EIF4G3: variants seen among roughly 807,000 people sequenced by gnomAD.
EIF4G3 encodes the protein eIF-4-gamma 3.
EIF4G3 carries 34 observed loss-of-function variants against 186.4 expected under a neutral mutation model. That is an observed-to-expected ratio of 0.18 (90% CI 0.14 to 0.24). The LOEUF (loss-of-function observed/expected upper bound fraction) is 0.24. Among genes scored for constraint, EIF4G3 ranks in the 10% least tolerant of loss-of-function variants. The pLI, the probability that EIF4G3 is intolerant of heterozygous loss-of-function variation, is 1.00. For missense variants in EIF4G3, 1,536 were observed against 1,948.5 expected (o/e 0.79, Z 3.99); for synonymous variants, 673 against 679.5 (o/e 0.99, Z 0.15).
chr1:21,035,559 C>T (rs1432140843), intron 4 of EIF4G3, among the ~76,000 whole-genome samples: 1 of 152,234 alleles, frequency 6.6e-6, no homozygotes, highest in Non-Finnish European at 1.5e-5. Flanking sequence ...CTGTTGCAGC[C>T]CAGCCAGGTA....
At chr1:20,972,356 AG>A (rs2076071356) in intron 11 of EIF4G3, among the ~76,000 whole-genome samples, 1 of 152,086 alleles carries the variant, frequency 6.6e-6, no homozygotes, top group Admixed American at 6.6e-5. Flanking sequence ...GGTGTTGGCC[AG>A]GCACGGTGGC....
At chr1:21,035,807 G>A (rs1046028967) in intron 4 of EIF4G3, among the ~76,000 whole-genome samples, 1 of 152,220 alleles carries the variant, frequency 6.6e-6, no homozygotes, top group East Asian at 1.9e-4. Context: ...TTGCCAGGGA[G>A]GTTCTGAAGG....
Position 20,810,064 on chromosome 1 carries a change from A to C in EIF4G3, c.4744+674T>G, listed in dbSNP as rs368391258. ...TGGCTTAGTGCAAACTCCGCCTCCC[A>C]GGTTCAAGTGATTCTCGTGCTTCAG... is the stretch of plus-strand genomic sequence containing the variant. On this transcript the variant is annotated intron_variant, in intron 36 of 36. Coordinates refer to ENST00000602326, the MANE Select transcript of EIF4G3 (RefSeq NM_001391906.1). The surrounding 1 kb of genome is among the most constrained non-coding windows in gnomAD (Gnocchi z 4.1). Among the ~76,000 whole-genome samples, 14 of 151,070 alleles carry C rather than the reference A, an allele frequency of 9.3e-5. 2 individuals carry two copies. The highest frequency in any genetic ancestry group is 3.4e-4 in the African/African-American group (14 of 41,074).
intron 14 of EIF4G3, among the ~76,000 whole-genome samples, chr1:20,937,018 G>A (rs1224121503): frequency 6.6e-6 from 1 of 152,216 alleles, no homozygotes; most frequent in Admixed American, 6.5e-5. Flanking sequence ...TCCTGGGGGT[G>A]TAGAAGGGTG....
intron 30 of EIF4G3, among the ~76,000 whole-genome samples, chr1:20,839,536 G>C (rs2067819709): frequency 6.6e-6 from 1 of 152,024 alleles, no homozygotes; most frequent in South Asian, 2.1e-4. Flanking sequence ...TAGAGACTGA[G>C]ACAGGCGGAG....
intron 2 of EIF4G3, among the ~76,000 whole-genome samples, chr1:21,116,482 C>T (rs1463540807): frequency 5.3e-5 from 8 of 151,924 alleles, no homozygotes; most frequent in African/African-American, 1.9e-4. Context: ...ATAAAATAAC[C>T]ATAAATAAGA....
chr1:20,917,322 G>A (rs748753092), intron 14 of EIF4G3, among the ~76,000 whole-genome samples: 5 of 152,194 alleles, frequency 3.3e-5, no homozygotes, highest in South Asian at 4.1e-4. Flanking sequence ...ATGGCGAAAC[G>A]GTCTCTACAA....
intron 14 of EIF4G3, among the ~76,000 whole-genome samples, chr1:20,928,270 G>A (rs896190605): frequency 6.6e-6 from 1 of 152,010 alleles, no homozygotes; most frequent in Non-Finnish European, 1.5e-5. Flanking sequence ...ATAATTTTTG[G>A]CTGTACACAA....
At position 20,905,488 on chromosome 1, in the gene EIF4G3, A is replaced by C. The variant is rs1180860552; in HGVS notation, c.1664-517T>G. Among the ~76,000 whole-genome samples the C allele has an allele frequency of 2.0e-5, 3 of 152,254 alleles. No individual in the cohort carries two copies. In the East Asian group the frequency reaches 5.8e-4, roughly 29 times the overall value. On this transcript the variant is annotated intron_variant, in intron 14 of 36. Transcript: ENST00000602326. ...GATACTTCAATTAAGGTTTCATTAG[A>C]TAGGCAGCATTTCTGAAACATTCTG...
chr1:20,950,248 T>C (rs1042835865), intron 12 of EIF4G3, 137 bp from the exon 13 acceptor site: 14 of 517,660 alleles, frequency 2.7e-5, no homozygotes, highest in African/African-American at 2.4e-4. Flanking sequence ...GGAAAAAATA[T>C]ATAGTCCAAT....
intron 7 of EIF4G3, among the ~76,000 whole-genome samples, chr1:20,986,937 A>AG (rs2079699923): frequency 6.6e-6 from 1 of 152,082 alleles, no homozygotes; most frequent in African/African-American, 2.4e-5. Flanking sequence ...ATACACCAGA[A>AG]GGATGGCAGA....
Position 20,840,996 on chromosome 1 carries a change from G to A in EIF4G3, c.3921C>T (p.Ala1307=), listed in dbSNP as rs758546535. Residue 1307 remains alanine (A), a synonymous_variant, in exon 30 of 37, where the codon GCC becomes GCT. Transcript: ENST00000602326. The part of the protein sequence containing the change: ...EAMQCVEELN[A]QGLLHVFVRV... ...TCACAAAAACATGTAGTAGGCCCTG[G>A]GCATTCAGCTCTTCCACACACTGCA... 3.1e-6 allele frequency: 5 copies of A among 1,614,040 alleles called. No individual in the cohort carries two copies.
Position 20,949,698 on chromosome 1 carries a change from A to G in EIF4G3, c.823+305T>C, listed in dbSNP as rs377550171. The stretch of plus-strand genomic sequence containing the variant: ...CTGTATTGTTCTTGTAAAGTAATAT[A>G]TGCTAGGATTTCTCCCTCCACTTCC... On this transcript the variant is annotated intron_variant, in intron 13 of 36. Coordinates refer to ENST00000602326, the MANE Select transcript of EIF4G3 (RefSeq NM_001391906.1). 9.2e-5 allele frequency among the ~76,000 whole-genome samples: 14 copies of G among 152,296 alleles called. 2 individuals carry two copies. Among genetic ancestry groups the G allele is most frequent in the African/African-American group, 3.4e-4 (14 of 41,568 alleles).
intron 12 of EIF4G3, among the ~76,000 whole-genome samples, chr1:20,968,998 G>A (rs1377303653): frequency 6.6e-6 from 1 of 152,170 alleles, no homozygotes; most frequent in Non-Finnish European, 1.5e-5. Context: ...GTTCTAAAAG[G>A]TAAGAAGTAT....
At chr1:20,878,524 GACTT>G (rs1377980850) in intron 20 of EIF4G3, among the ~76,000 whole-genome samples, 1 of 152,098 alleles carries the variant, frequency 6.6e-6, no homozygotes, top group African/African-American at 2.4e-5. Context: ...AACCCCAAAA[GACTT>G]ACCTACCTTT....
At chr1:20,852,200 C>A (rs1293438242) in intron 27 of EIF4G3, among the ~76,000 whole-genome samples, 1 of 152,098 alleles carries the variant, frequency 6.6e-6, no homozygotes, top group Admixed American at 6.5e-5. Context: ...CAGGGTTTCT[C>A]CATGTTGGTC....
At chr1:20,994,174 T>C (rs750216179) in intron 7 of EIF4G3, among the ~76,000 whole-genome samples, 10 of 152,214 alleles carry the variant, frequency 6.6e-5, no homozygotes, top group Non-Finnish European at 1.0e-4. Flanking sequence ...TACGGCAGCT[T>C]TGATAACTGG....
intron 2 of EIF4G3, among the ~76,000 whole-genome samples, chr1:21,161,133 T>C (rs1352975893): frequency 6.6e-6 from 1 of 152,072 alleles, no homozygotes; most frequent in African/African-American, 2.4e-5. Flanking sequence ...ATCGCACCAC[T>C]GCACTCCAGC....
At chr1:20,917,711 C>T (rs2094042094) in intron 14 of EIF4G3, among the ~76,000 whole-genome samples, 1 of 151,992 alleles carries the variant, frequency 6.6e-6, no homozygotes, top group African/African-American at 2.4e-5. Context: ...TTATATAGAG[C>T]ATGTTCCTGT....
Sources: gnomAD v4.1 joint callset for allele counts (sites outside exome capture counted in the v4.1 genomes callset) on GRCh38, gnomAD v4.1.1 for gene constraint, Gnocchi (gnomAD v3.1) non-coding constraint, MANE v1.5 for transcripts, NCBI Gene and HGNC (gene_info 2026-07-23, HGNC 2026-07-21) for gene names.